The following PRKG1 variants were observed in gnomAD, a reference collection of about 807,000 sequenced individuals.
PRKG1 encodes the protein cGMP-dependent protein kinase 1.
Under a neutral mutation model 88.1 loss-of-function variants are expected in PRKG1, and 35 were observed. That is an observed-to-expected ratio of 0.40 (90% confidence interval 0.30 to 0.53). The LOEUF (loss-of-function observed/expected upper bound fraction) is 0.53. Ranked by LOEUF, PRKG1 falls within the 20% of genes least tolerant of loss-of-function variation. The pLI, the probability that PRKG1 is intolerant of heterozygous loss-of-function variation, is 0.59. For synonymous variants in PRKG1, 303 were observed against 292.5 expected (o/e 1.04, Z -0.37); for missense variants, 540 against 839.8 (o/e 0.64, Z 4.41).
At chr10:51,952,388 AG>A (rs1228072308) in intron 5 of PRKG1, among the ~76,000 whole-genome samples, 1 of 152,190 alleles carries the variant, frequency 6.6e-6, no homozygotes, top group East Asian at 1.9e-4. Context: ...TCAGACATTT[AG>A]GGTTGGAGTC....
At chr10:51,483,072 A>T (rs1280213862) in intron 3 of PRKG1, among the ~76,000 whole-genome samples, 1 of 135,534 alleles carries the variant, frequency 7.4e-6, no homozygotes, top group African/African-American at 2.9e-5. Context: ...GAATGCAGTG[A>T]TTCAATGGCA....
chr10:51,020,170 T>G (rs1282093617), intron 1 of PRKG1, among the ~76,000 whole-genome samples: 2 of 152,344 alleles, frequency 1.3e-5, no homozygotes, highest in East Asian at 3.9e-4. Flanking sequence ...TTATTTTTAT[T>G]TTTTATTTTT....
intron 1 of PRKG1, among the ~76,000 whole-genome samples, chr10:51,002,391 T>G (rs920990448): frequency 1.2e-4 from 19 of 152,196 alleles, no homozygotes; most frequent in Non-Finnish European, 8.8e-5. Flanking sequence ...TAATCTGAGA[T>G]TCCCATTATA....
chr10:51,865,007 T>C (rs540999040), intron 4 of PRKG1, among the ~76,000 whole-genome samples: 208 of 152,252 alleles, frequency 1.4e-3, no homozygotes, highest in African/African-American at 4.9e-3. Flanking sequence ...TAAATGAAAG[T>C]TGAATTTTGT....
chr10:52,293,807 A>G lies in PRKG1; in HGVS notation c.1968A>G (p.Ala656=), dbSNP rs564599393. Residue 656 remains alanine (A), a synonymous_variant, in exon 18 of 18, where the codon GCA becomes GCG. Transcript: ENST00000373980. ...AACCTGTCCATTTTTTACAGGTTGC[A>G]TCACCCACAGACACAAGTAATTTTG... ...TLTPPIIPSV[A]SPTDTSNFDS... 7.8e-5 allele frequency: 125 copies of G among 1,612,106 alleles called. No individual in the cohort carries two copies. The highest frequency in any genetic ancestry group is 9.5e-5 in the Non-Finnish European group (112 of 1,178,926).
At chr10:51,506,708 T>C (rs1432115226) in intron 3 of PRKG1, among the ~76,000 whole-genome samples, 2 of 152,180 alleles carry the variant, frequency 1.3e-5, no homozygotes, top group African/African-American at 4.8e-5. Flanking sequence ...TTGGTGGGAC[T>C]GTAAACTAGT....
intron 2 of PRKG1, among the ~76,000 whole-genome samples, chr10:51,301,653 C>G (rs553833534): frequency 3.3e-5 from 5 of 152,138 alleles, no homozygotes; most frequent in African/African-American, 1.2e-4. Context: ...GAGAGCCAGG[C>G]GAGGGATGGC....
intron 5 of PRKG1, among the ~76,000 whole-genome samples, chr10:52,025,255 A>T (rs537556057): frequency 1.3e-5 from 2 of 151,930 alleles, no homozygotes; most frequent in African/African-American, 4.8e-5. Flanking sequence ...GATTGCAAAA[A>T]TTTTCTCCCA....
At chr10:51,942,667 A>C (rs961137837) in intron 5 of PRKG1, among the ~76,000 whole-genome samples, 2 of 147,988 alleles carry the variant, frequency 1.4e-5, no homozygotes, top group African/African-American at 5.2e-5. Context: ...AGCTTTCTAC[A>C]TATGGCTAGC....
At chr10:51,829,977 G>C (rs769912976) in intron 4 of PRKG1, among the ~76,000 whole-genome samples, 10 of 152,104 alleles carry the variant, frequency 6.6e-5, no homozygotes, top group Non-Finnish European at 1.3e-4. Context: ...TCATGATGTT[G>C]ATGAAACCAG....
chr10:51,308,993 G>A (rs1198599532), intron 2 of PRKG1, among the ~76,000 whole-genome samples: 1 of 152,100 alleles, frequency 6.6e-6, no homozygotes, highest in East Asian at 1.9e-4. Context: ...TGCTGCCCAT[G>A]TGAAGTTCTA....
intron 2 of PRKG1, among the ~76,000 whole-genome samples, chr10:51,414,497 G>A (rs1437252682): frequency 6.6e-6 from 1 of 152,294 alleles, no homozygotes; most frequent in Non-Finnish European, 1.5e-5. Context: ...GGTGTGTAAC[G>A]AGCTATGAAA....
intron 3 of PRKG1, among the ~76,000 whole-genome samples, chr10:51,532,475 T>C (rs943285376): frequency 2.0e-5 from 3 of 152,222 alleles, no homozygotes; most frequent in Non-Finnish European, 4.4e-5. Context: ...ATTTACATTA[T>C]TTTACTGTAT....
intron 16 of PRKG1, 139 bp from the exon 17 acceptor site, chr10:52,290,085 G>T: frequency 1.6e-6 from 1 of 617,470 alleles, no homozygotes; most frequent in South Asian, 2.6e-5. Flanking sequence ...GAAAACATAT[G>T]CAATTAAATA....
intron 2 of PRKG1, among the ~76,000 whole-genome samples, chr10:51,304,847 T>G (rs1253150693): frequency 6.6e-6 from 1 of 152,050 alleles, no homozygotes; most frequent in Non-Finnish European, 1.5e-5. Context: ...TATTCCATGG[T>G]GTATATGTGC....
chr10:51,779,495 GATT>G (rs1323395826), intron 3 of PRKG1, among the ~76,000 whole-genome samples: 9 of 152,098 alleles, frequency 5.9e-5, no homozygotes, highest in African/African-American at 2.2e-4. Context: ...TGACTCTAAA[GATT>G]ATTATTTTTT....
intron 2 of PRKG1, among the ~76,000 whole-genome samples, chr10:51,254,266 G>T (rs919004600): frequency 1.3e-5 from 2 of 151,676 alleles, no homozygotes; most frequent in African/African-American, 4.8e-5. Flanking sequence ...TTAGTATTTT[G>T]TACACCTATA....
Position 51,074,878 on chromosome 10 carries a change from GC to G in PRKG1, c.291del (p.Phe98SerfsTer12). On this transcript the variant is annotated frameshift_variant, in exon 1 of 18. Coordinates refer to ENST00000373980, the MANE Select transcript of PRKG1 (RefSeq NM_006258.4). LOFTEE classifies it high-confidence loss of function. ...DIQDLSHVTL[P>X]FYPKSPQSKD... ...TCCAGGATCTCAGCCATGTGACCCT[GC>G]CCTTCTACCCCAAGAGCCCACAGTA... is the stretch of plus-strand genomic sequence containing the variant. The G allele has an allele frequency of 1.2e-6, 2 of 1,612,066 alleles. No homozygotes were observed. The highest frequency in any genetic ancestry group is 8.5e-7 in the Non-Finnish European group (1 of 1,178,766).
At chr10:51,636,082 G>A (rs1839648533) in intron 3 of PRKG1, among the ~76,000 whole-genome samples, 1 of 152,116 alleles carries the variant, frequency 6.6e-6, no homozygotes. Flanking sequence ...CTTCTGTTAG[G>A]TGGCTTGGTC....
Sources: allele counts gnomAD v4.1 joint callset (sites outside exome capture counted in the v4.1 genomes callset), GRCh38; gene constraint gnomAD v4.1.1; transcripts MANE v1.5; gene names NCBI Gene and HGNC (gene_info 2026-07-23, HGNC 2026-07-21).